Variants in GBE1 observed in about 807,000 individuals in gnomAD.
The protein encoded by GBE1 is 1,4-alpha-glucan branching enzyme 1.
A neutral mutation model predicts 88.8 loss-of-function variants in GBE1; 70 were observed. The observed-to-expected ratio is 0.79, with a 90% CI of 0.65 to 0.96. GBE1 has a LOEUF of 0.96. GBE1 is among the 40% of genes least tolerant of loss of function. GBE1 has a pLI of 0.00. For synonymous variants in GBE1, 284 were observed against 300.1 expected, an observed-to-expected ratio of 0.95 and a Z score of 0.56; for missense variants, 872 against 871.0, an observed-to-expected ratio of 1.00 and a Z score of -0.01.
intron 3 of GBE1, among the ~76,000 whole-genome samples, chr3:81,659,674 G>A (rs1236570966): frequency 6.6e-6 from 1 of 151,242 alleles, no homozygotes; most frequent in African/African-American, 2.4e-5. Context: ...AAGTGCCATT[G>A]CAATGAAGTA....
chr3:81,622,869 C>T (rs780084512), intron 7 of GBE1, among the ~76,000 whole-genome samples: 7 of 152,112 alleles, frequency 4.6e-5, no homozygotes, highest in Non-Finnish European at 8.8e-5. Flanking sequence ...TCAACATGCA[C>T]TCCATATTTA....
chr3:81,737,291 A>C (rs1706270285), intron 1 of GBE1, among the ~76,000 whole-genome samples: 1 of 141,276 alleles, frequency 7.1e-6, no homozygotes, highest in Non-Finnish European at 1.5e-5. Context: ...TTCAAAATAA[A>C]TATTTATATA....
In GBE1 at chr3:81,508,432, C is replaced by T. The variant is rs530526378; in HGVS notation, c.1935-9205G>A. Among the ~76,000 whole-genome samples the T allele has an allele frequency of 3.6e-4, 55 of 151,968 alleles. 1 individual carries two copies. The highest frequency in any genetic ancestry group is 3.9e-4 in the Admixed American group (6 of 15,242). On this transcript the variant is annotated intron_variant, in intron 14 of 15. Transcript: ENST00000429644. ...TTGTAAATTCAATTATCTGATGAAG[C>T]GATGGCAATTATTTAAAACTGAAAA...
At chr3:81,706,718 T>G (rs1705780065) in intron 1 of GBE1, among the ~76,000 whole-genome samples, 1 of 151,994 alleles carries the variant, frequency 6.6e-6, no homozygotes, top group African/African-American at 2.4e-5. Context: ...TACAAATACT[T>G]CACATTATAC....
chr3:81,631,416 TAACTTA>T (rs1344263545), intron 7 of GBE1, among the ~76,000 whole-genome samples: 1 of 151,930 alleles, frequency 6.6e-6, no homozygotes, highest in African/African-American at 2.4e-5. Flanking sequence ...CCGGTAACTT[TAACTTA>T]ATCTCTAAAA....
At chr3:81,706,462 T>G (rs1019613074) in intron 1 of GBE1, among the ~76,000 whole-genome samples, 4 of 152,146 alleles carry the variant, frequency 2.6e-5, no homozygotes, top group Non-Finnish European at 5.9e-5. Context: ...AGGAAAAACT[T>G]GGTAAAACTG....
At position 81,678,517 on chromosome 3, in the gene GBE1, C is replaced by A. The variant is rs138338506; in HGVS notation, c.314-7564G>T. Among the ~76,000 whole-genome samples, 334 of 152,182 alleles carry A rather than the reference C, an allele frequency of 2.2e-3. 2 individuals carry two copies. The highest frequency in any genetic ancestry group is 6.7e-3 in the Admixed American group (102 of 15,284). On this transcript the variant is annotated intron_variant, in intron 2 of 15. Transcript: ENST00000429644. The stretch of plus-strand genomic sequence containing the variant: ...ACAAAGGGGATGATAAATGGATATA[C>A]CTCATTGCTTGTAATTTTAACAATG...
At chr3:81,586,027 A>G in intron 10 of GBE1, 65 bp downstream of exon 10, 2 of 895,678 alleles carry the variant, frequency 2.2e-6, no homozygotes, top group East Asian at 5.2e-5. Context: ...ACTAAGAAAT[A>G]AATTAAAGAT....
At position 81,678,112 on chromosome 3, in the gene GBE1, G is replaced by A. The variant is rs182592082; in HGVS notation, c.314-7159C>T. On this transcript the variant is annotated intron_variant, in intron 2 of 15. Transcript: ENST00000429644. ...AAACATTATAGAATATACTTATGCC[G>A]GCCTACATGGCATAGCCTACTACAC... Among the ~76,000 whole-genome samples the A allele has an allele frequency of 4.7e-4, 72 of 152,100 alleles. No homozygotes were observed. The South Asian group carries it at 5.2e-3, about 11-fold the overall frequency.
intron 12 of GBE1, among the ~76,000 whole-genome samples, chr3:81,541,168 G>A (rs1426553119): frequency 6.6e-6 from 1 of 151,884 alleles, no homozygotes; most frequent in Admixed American, 6.6e-5. Context: ...CTTTGTAGTG[G>A]AGTTTTCAAT....
intron 1 of GBE1, among the ~76,000 whole-genome samples, chr3:81,748,252 T>A (rs958824734): frequency 6.6e-6 from 1 of 152,242 alleles, no homozygotes; most frequent in African/African-American, 2.4e-5. Flanking sequence ...TAAATGTAAT[T>A]AGGCATTAGA....
intron 2 of GBE1, among the ~76,000 whole-genome samples, chr3:81,684,473 T>C (rs1322855262): frequency 6.6e-6 from 1 of 152,206 alleles, no homozygotes; most frequent in Non-Finnish European, 1.5e-5. Flanking sequence ...GAGTACTGTC[T>C]CCATGTTGTC....
At chr3:81,750,658 T>TATATATATATGTATATATATAC in intron 1 of GBE1, among the ~76,000 whole-genome samples, 1 of 56,962 alleles carries the variant, frequency 1.8e-5, no homozygotes, top group Admixed American at 2.0e-4. Flanking sequence ...TATATATATA[T>TATATATATATGTATATATATAC]GTATATATAT....
chr3:81,501,702 T>C (rs9870973), intron 14 of GBE1, among the ~76,000 whole-genome samples: 1,429 of 139,352 alleles, frequency 0.01, 11 homozygotes, highest in Non-Finnish European at 0.016. Context: ...TTTTTTTTTT[T>C]TTTTTTTTTT....
intron 12 of GBE1, among the ~76,000 whole-genome samples, chr3:81,568,867 GAT>G (rs1703533693): frequency 6.6e-6 from 1 of 151,944 alleles, no homozygotes; most frequent in South Asian, 2.1e-4. Context: ...TAAATGGAGA[GAT>G]AACATTTATA....
At chr3:81,626,846 G>T (rs774551571) in intron 7 of GBE1, among the ~76,000 whole-genome samples, 24 of 151,704 alleles carry the variant, frequency 1.6e-4, no homozygotes, top group Non-Finnish European at 3.5e-4. Context: ...GATTCAAAAT[G>T]TATATTAGCT....
intron 7 of GBE1, among the ~76,000 whole-genome samples, chr3:81,626,964 CT>C (rs1228151152): frequency 6.6e-6 from 1 of 152,118 alleles, no homozygotes; most frequent in African/African-American, 2.4e-5. Flanking sequence ...ATCACACTTC[CT>C]AATTTCCTGC....
chr3:81,736,282 C>T (rs1706256771), intron 1 of GBE1, among the ~76,000 whole-genome samples: 1 of 152,186 alleles, frequency 6.6e-6, no homozygotes, highest in South Asian at 2.1e-4. Flanking sequence ...CTCCTACCTG[C>T]ACAGCTAGAA....
intron 7 of GBE1, among the ~76,000 whole-genome samples, chr3:81,604,815 G>T (rs1334210881): frequency 6.6e-6 from 1 of 151,996 alleles, no homozygotes; most frequent in African/African-American, 2.4e-5. Flanking sequence ...TCAAATAATA[G>T]ATTTTCCTCT....
Sources: gnomAD v4.1 joint callset for allele counts (sites outside exome capture counted in the v4.1 genomes callset) on GRCh38, gnomAD v4.1.1 for gene constraint, MANE v1.5 for transcripts, NCBI Gene and HGNC (gene_info 2026-07-23, HGNC 2026-07-21) for gene names.